TLN2: variants seen among roughly 807,000 people sequenced by gnomAD.
The protein encoded by TLN2 is talin 2, also known as talin-2.
Under a neutral mutation model 294.7 loss-of-function variants are expected in TLN2, and 118 were observed. That is an observed-to-expected ratio of 0.40 (90% confidence interval 0.34 to 0.47). The LOEUF (loss-of-function observed/expected upper bound fraction) is 0.47. Ranked by LOEUF, TLN2 falls within the 20% of genes least tolerant of loss-of-function variation. The probability of loss-of-function intolerance (pLI) is 0.84; values close to 1 mark genes in which losing one functional copy is unlikely to be tolerated. For missense variants in TLN2, 3,083 were observed against 3,282.2 expected (o/e 0.94, Z 1.48); for synonymous variants, 1,431 against 1,304.5 (o/e 1.10, Z -2.09).
intron 1 of TLN2, among the ~76,000 whole-genome samples, chr15:62,531,877 G>A (rs2041059933): frequency 6.6e-6 from 1 of 152,226 alleles, no homozygotes; most frequent in Admixed American, 6.5e-5. Flanking sequence ...CTAGAAGCCT[G>A]TTTTTAGAGC....
chr15:62,716,458 A>G lies in TLN2; in HGVS notation c.2762A>G (p.Glu921Gly), dbSNP rs775913242. 1.2e-5 allele frequency: 19 copies of G among 1,598,948 alleles called. No homozygotes were observed. Among genetic ancestry groups the G allele is most frequent in the Non-Finnish European group, 1.6e-5 (19 of 1,174,774 alleles). ...AAGAAAAAAATTGTCAACCGACTGGAGGTAAGGAAAGAGGCTGCCTTTCTG... is the reference window on the plus strand; with the variant it reads ...AAGAAAAAAATTGTCAACCGACTGGGGGTAAGGAAAGAGGCTGCCTTTCTG... ...AIKKKIVNRL[E>G]VAAKQAAAAA... is the part of the protein sequence containing the mutation. Residue 921 changes from glutamate to glycine, a missense_variant and splice_region_variant, in exon 23 of 59, where the codon GAG (glutamate) becomes GGG (glycine). By Grantham distance (98) the Glu-to-Gly change is moderately conservative. Coordinates refer to ENST00000636159, the MANE Select transcript of TLN2 (RefSeq NM_015059.3).
chr15:62,419,604 G>C (rs552640573), intron 1 of TLN2, among the ~76,000 whole-genome samples: 50 of 144,646 alleles, frequency 3.5e-4, no homozygotes, highest in African/African-American at 6.9e-4. Flanking sequence ...AGAAAGGTTA[G>C]AAAATTGCTT....
chr15:62,601,286 A>C (rs985927645), intron 2 of TLN2, among the ~76,000 whole-genome samples: 1 of 152,214 alleles, frequency 6.6e-6, no homozygotes, highest in South Asian at 2.1e-4. Flanking sequence ...TACCCCCACA[A>C]CAAAAATATA....
chr15:62,652,281 T>C (rs2052680486), intron 6 of TLN2, 147 bp downstream of exon 6: 2 of 824,678 alleles, frequency 2.4e-6, no homozygotes, highest in Admixed American at 3.8e-5. Flanking sequence ...GGTGTGTCCA[T>C]TCTCCCAACT....
chr15:62,538,425 T>C (rs1282635959), intron 1 of TLN2, among the ~76,000 whole-genome samples: 2 of 152,324 alleles, frequency 1.3e-5, no homozygotes, highest in East Asian at 3.9e-4. Flanking sequence ...GAATGCAATA[T>C]AATTACCCAA....
intron 9 of TLN2, among the ~76,000 whole-genome samples, chr15:62,662,974 C>A (rs917271107): frequency 1.3e-5 from 2 of 151,696 alleles, no homozygotes; most frequent in East Asian, 3.9e-4. Context: ...CAGGTGCCTG[C>A]CACCACGCCC....
chr15:62,772,351 C>T (rs979893934), intron 42 of TLN2, among the ~76,000 whole-genome samples: 2 of 152,172 alleles, frequency 1.3e-5, no homozygotes, highest in Non-Finnish European at 2.9e-5. Context: ...TAAGCGCCAG[C>T]CACTGCCCTC....
chr15:62,651,228 G>T (rs1009170383), intron 5 of TLN2, among the ~76,000 whole-genome samples: 1 of 151,812 alleles, frequency 6.6e-6, no homozygotes, highest in African/African-American at 2.4e-5. Context: ...CTTGCAGGAG[G>T]TCATACTCTA....
intron 7 of TLN2, among the ~76,000 whole-genome samples, chr15:62,654,400 G>A (rs1184576081): frequency 1.3e-5 from 2 of 151,944 alleles, no homozygotes; most frequent in African/African-American, 2.4e-5. Context: ...TTTTTGGGGG[G>A]ATGTTTAACA....
chr15:62,461,141 G>T (rs955385752), intron 1 of TLN2, among the ~76,000 whole-genome samples: 6 of 152,008 alleles, frequency 3.9e-5, no homozygotes, highest in Non-Finnish European at 1.5e-5. Flanking sequence ...GTAGAGACGG[G>T]GTTTCACCAT....
chr15:62,810,597 C>G (rs1301798748), intron 52 of TLN2, among the ~76,000 whole-genome samples: 2 of 152,018 alleles, frequency 1.3e-5, no homozygotes, highest in African/African-American at 2.4e-5. Flanking sequence ...AGACACCAGG[C>G]AGGGGTGTAG....
intron 42 of TLN2, among the ~76,000 whole-genome samples, chr15:62,775,349 A>T (rs770952076): frequency 6.6e-6 from 1 of 152,172 alleles, no homozygotes; most frequent in African/African-American, 2.4e-5. Flanking sequence ...TCCAAGAGGT[A>T]TCACCTTTCA....
rs541936625 is a variant in TLN2, at chr15:62,776,221, G to C, written c.5368-543G>C. Among the ~76,000 whole-genome samples the C allele has an allele frequency of 1.6e-4, 24 of 152,214 alleles. No homozygotes were observed. In the South Asian group the frequency reaches 4.8e-3, roughly 30 times the overall value. ...ATGCATGGGTACTCAGGGCTTTACCGGCAGGGCTCCATGCATTTCTCCAAC... is the reference window on the plus strand; with the variant it reads ...ATGCATGGGTACTCAGGGCTTTACCCGCAGGGCTCCATGCATTTCTCCAAC... On this transcript the variant is annotated intron_variant, in intron 42 of 58. Transcript: ENST00000636159.
At chr15:62,576,455 A>G (rs1227976174) in intron 1 of TLN2, among the ~76,000 whole-genome samples, 1 of 152,092 alleles carries the variant, frequency 6.6e-6, no homozygotes, top group East Asian at 1.9e-4. Flanking sequence ...CCAACCTCAT[A>G]GGTTATTTTT....
chr15:62,469,583 A>T (rs549032807), intron 1 of TLN2, among the ~76,000 whole-genome samples: 1 of 152,194 alleles, frequency 6.6e-6, no homozygotes, highest in Non-Finnish European at 1.5e-5. Context: ...ATGTGACTGA[A>T]TACTTTGTGT....
chr15:62,663,626 C>G (rs1421801173), intron 9 of TLN2, among the ~76,000 whole-genome samples: 1 of 150,882 alleles, frequency 6.6e-6, no homozygotes, highest in Admixed American at 6.6e-5. Context: ...TATTCCCATA[C>G]AAATCAAAAA....
chr15:62,742,022 GGGGTGTGTGTGTGTGTGTGTGTGTGT>G (rs1192442202), intron 32 of TLN2, among the ~76,000 whole-genome samples: 5 of 100,214 alleles, frequency 5.0e-5, no homozygotes, highest in South Asian at 3.7e-4. Flanking sequence ...GGCTTGTAGT[GGGGTGTGTGTGTGTGTGTGTGTGTGT>G]GTGTGTGTGT....
At chr15:62,823,725 G>C (rs771980826) in intron 54 of TLN2, among the ~76,000 whole-genome samples, 1 of 152,148 alleles carries the variant, frequency 6.6e-6, no homozygotes, top group Non-Finnish European at 1.5e-5. Flanking sequence ...TTTTGCCTGG[G>C]ATCTCCCAGA....
At chr15:62,718,514 C>T (rs1031357472) in intron 24 of TLN2, among the ~76,000 whole-genome samples, 2 of 152,204 alleles carry the variant, frequency 1.3e-5, no homozygotes, top group Non-Finnish European at 2.9e-5. Flanking sequence ...TCAGAAATGG[C>T]CTTTGCTTCT....
Sources: gnomAD v4.1 joint callset for allele counts (sites outside exome capture counted in the v4.1 genomes callset) on GRCh38, gnomAD v4.1.1 for gene constraint, MANE v1.5 for transcripts, NCBI Gene and HGNC (gene_info 2026-07-23, HGNC 2026-07-21) for gene names.